The following ADAM22 variants were observed in gnomAD, a reference collection of about 807,000 sequenced individuals.
The protein encoded by ADAM22 is ADAM metallopeptidase domain 22.
In ADAM22, 65 loss-of-function variants were observed where a neutral mutation model predicts 144.6. The observed-to-expected ratio is 0.45, with a 90% CI of 0.37 to 0.55. The LOEUF (loss-of-function observed/expected upper bound fraction) is 0.55, where lower values mean the gene tolerates loss of function less well. ADAM22 is among the 20% of genes least tolerant of loss of function. The probability of loss-of-function intolerance (pLI) is 0.00; values close to 1 mark genes in which losing one functional copy is unlikely to be tolerated. For missense variants in ADAM22, 974 were observed against 1,184.9 expected, an observed-to-expected ratio of 0.82 and a Z score of 2.61; for synonymous variants, 391 against 412.6, an observed-to-expected ratio of 0.95 and a Z score of 0.63.
chr7:88,063,047 A>G (rs528098855), intron 3 of ADAM22, among the ~76,000 whole-genome samples: 26 of 152,356 alleles, frequency 1.7e-4, no homozygotes, highest in African/African-American at 5.8e-4. Flanking sequence ...TGTGAGAATT[A>G]CCAAAATATG....
chr7:88,142,773 G>A (rs954706322), intron 14 of ADAM22, among the ~76,000 whole-genome samples: 5 of 151,732 alleles, frequency 3.3e-5, no homozygotes, highest in Non-Finnish European at 7.4e-5. Context: ...GGGAGGTGGA[G>A]CTTGCAGTGA....
chr7:87,966,720 C>CTTTTTT (rs1562873898), intron 2 of ADAM22, among the ~76,000 whole-genome samples: 5 of 30,168 alleles, frequency 1.7e-4, no homozygotes, highest in Non-Finnish European at 2.4e-4. Context: ...CAAGGAAAGC[C>CTTTTTT]GTTTTTTTTT....
intron 2 of ADAM22, among the ~76,000 whole-genome samples, chr7:87,966,430 G>C (rs1849058448): frequency 6.6e-6 from 1 of 152,138 alleles, no homozygotes; most frequent in Non-Finnish European, 1.5e-5. Context: ...GCCTAGTAAT[G>C]GGCAGTTAAT....
chr7:88,015,939 C>CTTT (rs5885608), intron 3 of ADAM22, among the ~76,000 whole-genome samples: 6 of 150,710 alleles, frequency 4.0e-5, no homozygotes, highest in Admixed American at 2.6e-4. Context: ...TCAAATCCTT[C>CTTT]TTTTTTTTTA....
At chr7:88,100,816 C>T (rs958120842) in intron 4 of ADAM22, among the ~76,000 whole-genome samples, 2 of 151,934 alleles carry the variant, frequency 1.3e-5, no homozygotes, top group Non-Finnish European at 2.9e-5. Flanking sequence ...TGCCCAGCCT[C>T]CCAAGGAGAC....
chr7:88,135,729 G>C (rs931618495), intron 13 of ADAM22, among the ~76,000 whole-genome samples: 1 of 152,040 alleles, frequency 6.6e-6, no homozygotes, highest in Non-Finnish European at 1.5e-5. Context: ...TAAATAAATG[G>C]TTTAAATATG....
At chr7:88,040,236 A>C (rs1048718499) in intron 3 of ADAM22, among the ~76,000 whole-genome samples, 1 of 151,958 alleles carries the variant, frequency 6.6e-6, no homozygotes, top group African/African-American at 2.4e-5. Context: ...GGTTCAAGCT[A>C]TTCTCCTGCC....
chr7:88,071,880 AT>A (rs1333926529), intron 3 of ADAM22, among the ~76,000 whole-genome samples: 1 of 152,116 alleles, frequency 6.6e-6, no homozygotes, highest in Non-Finnish European at 1.5e-5. Flanking sequence ...AATTTCCTTT[AT>A]GTTAAGGAGG....
chr7:88,121,536 G>A (rs1829310036), intron 7 of ADAM22, among the ~76,000 whole-genome samples: 2 of 152,146 alleles, frequency 1.3e-5, no homozygotes, highest in African/African-American at 4.8e-5. Flanking sequence ...AGTTTGTAGC[G>A]TAACTGTCAG....
intron 3 of ADAM22, among the ~76,000 whole-genome samples, chr7:88,050,196 C>T (rs1173686123): frequency 7.2e-6 from 1 of 139,046 alleles, no homozygotes; most frequent in African/African-American, 2.8e-5. Flanking sequence ...ACAGCTTGGG[C>T]AGCATAGCAA....
At chr7:88,119,267 A>G (rs1828622664) in intron 7 of ADAM22, among the ~76,000 whole-genome samples, 1 of 152,206 alleles carries the variant, frequency 6.6e-6, no homozygotes, top group African/African-American at 2.4e-5. Context: ...TTGTTGAGAG[A>G]TAGAGCATGT....
chr7:88,139,183 C>T (rs1292224621), intron 14 of ADAM22, among the ~76,000 whole-genome samples: 6 of 152,072 alleles, frequency 3.9e-5, no homozygotes, highest in South Asian at 4.1e-4. Flanking sequence ...TTTGGGAGGC[C>T]GAGGTGGGTG....
At chr7:88,130,224 A>C (rs1252923021) in intron 9 of ADAM22, among the ~76,000 whole-genome samples, 164 bp from the exon 10 acceptor site, 1 of 152,078 alleles carries the variant, frequency 6.6e-6, no homozygotes, top group Non-Finnish European at 1.5e-5. Flanking sequence ...ACTTGATCTC[A>C]GCTCTGACTC....
intron 3 of ADAM22, among the ~76,000 whole-genome samples, chr7:88,010,913 G>T (rs762857526): frequency 1.3e-5 from 2 of 152,170 alleles, no homozygotes; most frequent in Non-Finnish European, 2.9e-5. Context: ...CCATTTTGAA[G>T]ATAATTTAGG....
At chr7:88,012,860 G>A (rs555494969) in intron 3 of ADAM22, among the ~76,000 whole-genome samples, 131 of 152,320 alleles carry the variant, frequency 8.6e-4, no homozygotes, top group Non-Finnish European at 1.5e-3. Context: ...CTTCTGTTAG[G>A]TAGGATAAAG....
intron 2 of ADAM22, among the ~76,000 whole-genome samples, chr7:87,958,926 T>G (rs1294215100): frequency 6.6e-6 from 1 of 152,198 alleles, no homozygotes; most frequent in Non-Finnish European, 1.5e-5. Context: ...ATTTATCTTT[T>G]AGTTTATGGC....
rs535121111 is a variant in ADAM22, at chr7:87,973,667, A to G, written c.247-4669A>G. Among the ~76,000 whole-genome samples the G allele has an allele frequency of 2.6e-5, 4 of 152,368 alleles. No individual in the cohort carries two copies. In the East Asian group the frequency reaches 7.7e-4, roughly 29 times the overall value. Reference sequence around the variant, plus strand: ...TGTTTATTGTGGCACTATTCACAATAGCAAAGAGTTGGAACCAACCCAAAT... The same window carrying G: ...TGTTTATTGTGGCACTATTCACAATGGCAAAGAGTTGGAACCAACCCAAAT... On this transcript the variant is annotated intron_variant, in intron 2 of 31. Transcript: ENST00000413139.
intron 7 of ADAM22, 119 bp from the exon 8 acceptor site, chr7:88,125,470 G>T (rs568973218): frequency 1.5e-5 from 9 of 607,574 alleles, no homozygotes; most frequent in Admixed American, 3.6e-5. Flanking sequence ...TTGTGTGATC[G>T]TTAAGTGCAA....
intron 3 of ADAM22, among the ~76,000 whole-genome samples, chr7:88,021,286 A>G (rs1212466405): frequency 6.6e-6 from 1 of 152,186 alleles, no homozygotes; most frequent in Non-Finnish European, 1.5e-5. Flanking sequence ...CAACCATTTC[A>G]CCAGAGCCTT....
Sources: allele counts gnomAD v4.1 joint callset (sites outside exome capture counted in the v4.1 genomes callset), GRCh38; gene constraint gnomAD v4.1.1; transcripts MANE v1.5; gene names NCBI Gene and HGNC (gene_info 2026-07-23, HGNC 2026-07-21).